The following SLC24A3 variants were observed in gnomAD, a reference collection of about 807,000 sequenced individuals.
The protein encoded by SLC24A3 is sodium/potassium/calcium exchanger 3.
A neutral mutation model predicts 75.8 loss-of-function variants in SLC24A3; 28 were observed. That is an observed-to-expected ratio of 0.37 (90% CI 0.27 to 0.51). SLC24A3 has a LOEUF of 0.51. Ranked by LOEUF, SLC24A3 falls within the 20% of genes least tolerant of loss-of-function variation. The pLI, the probability that SLC24A3 is intolerant of heterozygous loss-of-function variation, is 0.94. For synonymous variants in SLC24A3, 372 were observed against 334.1 expected (o/e 1.11, Z -1.24); for missense variants, 663 against 847.8 (o/e 0.78, Z 2.71).
intron 1 of SLC24A3, among the ~76,000 whole-genome samples, chr20:19,235,848 C>T (rs1406543847): frequency 6.6e-6 from 1 of 152,238 alleles, no homozygotes; most frequent in African/African-American, 2.4e-5. Context: ...CTCCAGATTT[C>T]TGCTCCAGCC....
At chr20:19,585,580 G>T (rs1445120778) in intron 6 of SLC24A3, 36 bp downstream of exon 6, 1 of 1,591,768 alleles carries the variant, frequency 6.3e-7, no homozygotes, top group African/African-American at 1.3e-5. Context: ...GGCAAAATGT[G>T]ACATTGGGGA....
intron 12 of SLC24A3, 89 bp downstream of exon 12, chr20:19,685,450 A>T: frequency 1.3e-6 from 2 of 1,534,420 alleles, no homozygotes; most frequent in South Asian, 2.6e-5. Flanking sequence ...TTTACCATTC[A>T]ATTTTTTAAA....
At chr20:19,562,280 C>T (rs564629153) in intron 3 of SLC24A3, among the ~76,000 whole-genome samples, 19 of 152,308 alleles carry the variant, frequency 1.2e-4, no homozygotes, top group African/African-American at 4.3e-4. Flanking sequence ...CATTGTTCCT[C>T]TAACAGCCGT....
intron 6 of SLC24A3, among the ~76,000 whole-genome samples, chr20:19,645,979 TG>T (rs1236663094): frequency 6.6e-6 from 1 of 152,038 alleles, no homozygotes; most frequent in Non-Finnish European, 1.5e-5. Context: ...CACCTGAGCT[TG>T]GGAAGTCGAG....
At chr20:19,402,334 A>T (rs1191252805) in intron 2 of SLC24A3, among the ~76,000 whole-genome samples, 1 of 152,180 alleles carries the variant, frequency 6.6e-6, no homozygotes, top group Non-Finnish European at 1.5e-5. Flanking sequence ...CGATTACAGG[A>T]ATGTGAGTGA....
chr20:19,296,755 A>C (rs1984071343), intron 2 of SLC24A3, among the ~76,000 whole-genome samples: 1 of 152,212 alleles, frequency 6.6e-6, no homozygotes, highest in African/African-American at 2.4e-5. Context: ...CCTGATAGAC[A>C]TCTACAGAGC....
At chr20:19,352,274 A>G (rs1321311850) in intron 2 of SLC24A3, among the ~76,000 whole-genome samples, 2 of 152,170 alleles carry the variant, frequency 1.3e-5, no homozygotes, top group East Asian at 3.9e-4. Context: ...ATGAGGCCCT[A>G]TCCAGGGGGC....
At chr20:19,415,458 G>A (rs909397039) in intron 2 of SLC24A3, among the ~76,000 whole-genome samples, 1 of 152,048 alleles carries the variant, frequency 6.6e-6, no homozygotes, top group Non-Finnish European at 1.5e-5. Flanking sequence ...GAAAAGTTGA[G>A]GTGGAAACAA....
At chr20:19,337,710 A>G (rs1370113882) in intron 2 of SLC24A3, among the ~76,000 whole-genome samples, 3 of 152,178 alleles carry the variant, frequency 2.0e-5, no homozygotes, top group Non-Finnish European at 2.9e-5. Flanking sequence ...ACTATGGCTT[A>G]TGAGTCCATA....
intron 3 of SLC24A3, among the ~76,000 whole-genome samples, chr20:19,576,320 C>G (rs2031133921): frequency 6.6e-6 from 1 of 152,194 alleles, no homozygotes; most frequent in Admixed American, 6.5e-5. Context: ...CCATCAATGT[C>G]ACACTCCCAG....
At chr20:19,629,758 T>C (rs6132223) in intron 6 of SLC24A3, among the ~76,000 whole-genome samples, 1 of 152,132 alleles carries the variant, frequency 6.6e-6, no homozygotes, top group Non-Finnish European at 1.5e-5. Context: ...ATATTCAAAG[T>C]GCTAAAAGAA....
chr20:19,376,826 G>A (rs1986091217), intron 2 of SLC24A3, among the ~76,000 whole-genome samples: 1 of 152,188 alleles, frequency 6.6e-6, no homozygotes, highest in Admixed American at 6.5e-5. Context: ...TCCTGCAGGC[G>A]AGTGGAGATT....
intron 15 of SLC24A3, among the ~76,000 whole-genome samples, chr20:19,711,225 A>T (rs2122166444): frequency 6.6e-6 from 1 of 151,870 alleles, no homozygotes; most frequent in African/African-American, 2.4e-5. Context: ...ACGCACACAC[A>T]CATGCAGACA....
chr20:19,517,367 C>T (rs2030016421), intron 3 of SLC24A3, among the ~76,000 whole-genome samples: 1 of 152,220 alleles, frequency 6.6e-6, no homozygotes, highest in South Asian at 2.1e-4. Flanking sequence ...TTCTCCCCAC[C>T]TCCATCTCCC....
chr20:19,634,993 T>G (rs542357060), intron 6 of SLC24A3, among the ~76,000 whole-genome samples: 2 of 152,342 alleles, frequency 1.3e-5, no homozygotes, highest in Non-Finnish European at 2.9e-5. Context: ...TTGACTACAT[T>G]TTTCATATTT....
At position 19,585,494 on chromosome 20, in the gene SLC24A3, G is replaced by A. The variant is rs756688978; in HGVS notation, c.562G>A (p.Val188Ile). The A allele has an allele frequency of 6.2e-7, 1 of 1,614,190 alleles. No homozygotes were observed. Among genetic ancestry groups the A allele is most frequent in the Non-Finnish European group, 8.5e-7 (1 of 1,180,034 alleles). Reference sequence around the variant, plus strand: ...AGTTGGCACCATCGTGGGCTCAGCGGTATTCAACATCCTGTGCATCATTGG... The same window carrying A: ...AGTTGGCACCATCGTGGGCTCAGCGATATTCAACATCCTGTGCATCATTGG... ...VGVGTIVGSAVFNILCIIGVC... is the reference protein window; with the variant it reads ...VGVGTIVGSAIFNILCIIGVC... Residue 188 changes from valine to isoleucine, a missense_variant, in exon 6 of 17, where the codon GTA becomes ATA. By Grantham distance (29) the Val-to-Ile change is conservative. This residue lies in a region of SLC24A3 where 510 missense variants were observed against 703.6 expected (regional missense o/e 0.72). Coordinates refer to ENST00000328041, the MANE Select transcript of SLC24A3 (RefSeq NM_020689.4).
intron 2 of SLC24A3, among the ~76,000 whole-genome samples, chr20:19,345,113 A>G (rs939016638): frequency 2.0e-5 from 3 of 152,214 alleles, no homozygotes; most frequent in Non-Finnish European, 4.4e-5. Flanking sequence ...CCAGGAACTA[A>G]TAAGTAATTA....
chr20:19,388,722 G>T (rs1177367204), intron 2 of SLC24A3, among the ~76,000 whole-genome samples: 1 of 152,116 alleles, frequency 6.6e-6, no homozygotes, highest in African/African-American at 2.4e-5. Flanking sequence ...GTTCCTATTT[G>T]CATGGAATTT....
At chr20:19,533,589 A>G (rs1475893760) in intron 3 of SLC24A3, among the ~76,000 whole-genome samples, 1 of 152,132 alleles carries the variant, frequency 6.6e-6, no homozygotes, top group Non-Finnish European at 1.5e-5. Context: ...GGCAGAGGGG[A>G]GAGAGAACAC....
Sources: gnomAD v4.1 joint callset for allele counts (sites outside exome capture counted in the v4.1 genomes callset) on GRCh38, gnomAD v4.1.1 for gene constraint, gnomAD v4.1.1 regional missense constraint, MANE v1.5 for transcripts, NCBI Gene and HGNC (gene_info 2026-07-23, HGNC 2026-07-21) for gene names.